CIITA: variants seen among roughly 807,000 people sequenced by gnomAD.
CIITA encodes class II major histocompatibility complex transactivator.
Under a neutral mutation model 115.1 loss-of-function variants are expected in CIITA, and 72 were observed. That is an observed-to-expected ratio of 0.63 (90% CI 0.52 to 0.76). CIITA has a LOEUF of 0.76. Ranked by LOEUF, CIITA falls within the 30% of genes least tolerant of loss-of-function variation. CIITA has a pLI of 0.00. For missense variants in CIITA, 1,617 were observed against 1,463.8 expected (o/e 1.10, Z -1.71); for synonymous variants, 763 against 635.6 (o/e 1.20, Z -3.02).
chr16:10,899,182 C>T lies in CIITA; in HGVS notation c.436+180C>T. ...CTGATTATTTCATGGCCCTGATAAC[C>T]CTCCAATGGCTACAAAATACATGCC... is the stretch of plus-strand genomic sequence containing the variant. On this transcript the variant is annotated intron_variant, in intron 5 of 19. Coordinates refer to ENST00000324288, the MANE Select transcript of CIITA (RefSeq NM_000246.4). Among the ~76,000 whole-genome samples the T allele has an allele frequency of 1.3e-5, 2 of 152,180 alleles. 1 individual carries two copies. Among genetic ancestry groups the T allele is most frequent in the East Asian group, 3.9e-4 (2 of 5,192 alleles).
chr16:10,900,526 G>A lies in CIITA; in HGVS notation c.437-988G>A, dbSNP rs532004485. Among the ~76,000 whole-genome samples the A allele has an allele frequency of 1.1e-4, 16 of 151,986 alleles. No homozygotes were observed. In the South Asian group the frequency reaches 1.9e-3, roughly 18 times the overall value. On this transcript the variant is annotated intron_variant, in intron 5 of 19. Coordinates refer to ENST00000324288, the MANE Select transcript of CIITA (RefSeq NM_000246.4). ...AGGCCAAGGCTGGCAGATCACCTGA[G>A]GTCAAGAGTTTGAGACCAGCCTGGC...
At chr16:10,894,839 C>T (rs1410055101) in intron 1 of CIITA, among the ~76,000 whole-genome samples, 1 of 152,298 alleles carries the variant, frequency 6.6e-6, no homozygotes, top group African/African-American at 2.4e-5. Flanking sequence ...ATCACTTCAC[C>T]TCTCTGAGCC....
In CIITA at chr16:10,879,040, G is replaced by T. The variant is rs1043608562; in HGVS notation, c.52+1658G>T. 1 of 214,900 alleles carries T rather than the reference G, an allele frequency of 4.7e-6. No homozygotes were observed. The highest frequency in any genetic ancestry group is 9.4e-6 in the Non-Finnish European group (1 of 106,436). The allele number at this position is 214,900 out of a possible 1,614,324, so 13.3% of individuals were successfully genotyped here. A position where few individuals can be genotyped will look rare whatever the true frequency, so the allele number is the denominator to read the frequency against. ...AGCGCGCGCGGGAGCCCGGGGAACA[G>T]CGGTAGGTGACCAAAGTCTCCTCTG... On this transcript the variant is annotated intron_variant, in intron 1 of 19. Transcript: ENST00000324288. This position sits in a 1 kb window ranked among gnomAD's most constrained non-coding sequence, Gnocchi z 4.3.
rs1284725083 is a variant in CIITA at position 10,901,463 on chromosome 16, G to A, written c.437-51G>A. 6.2e-7 allele frequency: 1 copy of A among 1,606,568 alleles called. No individual in the cohort carries two copies. The highest frequency in any genetic ancestry group is 1.7e-5 in the Admixed American group (1 of 59,982). On this transcript the variant is annotated intron_variant, in intron 5 of 19. Transcript: ENST00000324288. This position sits in a 1 kb window ranked among gnomAD's most constrained non-coding sequence, Gnocchi z 6.8. ...CCTGCTAGAGTCCTGAGCCCCTTCT[G>A]GCTTGGGACATCCTCTCCCTGGGGC...
intron 14 of CIITA, 63 bp from the exon 15 acceptor site, chr16:10,916,304 G>T (rs953222666): frequency 3.3e-6 from 5 of 1,518,398 alleles, no homozygotes; most frequent in South Asian, 1.1e-5. Flanking sequence ...CCCTCACTGG[G>T]ATGGGAAGGG....
At position 10,923,399 on chromosome 16, in the gene CIITA, A is replaced by C; in HGVS notation, c.*22+74A>C. The C allele has an allele frequency of 8.1e-7, 1 of 1,232,318 alleles. No individual in the cohort carries two copies. The highest frequency in any genetic ancestry group is 1.2e-6 in the Non-Finnish European group (1 of 839,714). 76.3% of individuals were successfully genotyped at this position (1,232,318 alleles called of 1,614,324 possible). A position where few individuals can be genotyped will look rare whatever the true frequency, so the allele number is the denominator to read the frequency against. ...GTGTCCTTGTGAAGGTGGCATTCAA[A>C]AAATGTGGGCGGGACACAGGTGGGG... On this transcript the variant is annotated intron_variant, in intron 19 of 19. Coordinates refer to ENST00000324288, the MANE Select transcript of CIITA (RefSeq NM_000246.4). The surrounding 1 kb of genome is among the most constrained non-coding windows in gnomAD (Gnocchi z 5.2).
chr16:10,909,984 C>G (rs867081376), intron 12 of CIITA, among the ~76,000 whole-genome samples: 4 of 152,170 alleles, frequency 2.6e-5, no homozygotes, highest in Admixed American at 6.5e-5. Context: ...ATCCTCCTGC[C>G]TCAGCCTCCC....
chr16:10,941,703 A>G lies in CIITA; in HGVS notation n.829A>G. ...TGCGGATCGTGTAGGGAAGAGGGGAACAGCAGTCGAGACCCTACTCCAAGT... is the reference window on the plus strand; with the variant it reads ...TGCGGATCGTGTAGGGAAGAGGGGAGCAGCAGTCGAGACCCTACTCCAAGT... On this transcript the variant is annotated non_coding_transcript_exon_variant, in exon 2 of 2. Coordinates refer to the CIITA transcript ENST00000573379. This position sits in a 1 kb window ranked among gnomAD's most constrained non-coding sequence, Gnocchi z 6.4. The G allele has an allele frequency of 6.3e-7, 1 of 1,594,304 alleles. No homozygotes were observed. Among genetic ancestry groups the G allele is most frequent in the Non-Finnish European group, 8.6e-7 (1 of 1,169,318 alleles).
At chr16:10,916,128 G>C (rs141506668) in intron 14 of CIITA, among the ~76,000 whole-genome samples, 1 of 152,352 alleles carries the variant, frequency 6.6e-6, no homozygotes, top group Non-Finnish European at 1.5e-5. Context: ...TTCCTAAGAA[G>C]CTAAACAGGG....
In CIITA at chr16:10,895,495, T is replaced by C. The variant is rs1310240688; in HGVS notation, c.199+67T>C. The C allele has an allele frequency of 1.2e-5, 19 of 1,604,032 alleles. 1 individual carries two copies. The South Asian group carries it at 1.7e-4, about 14-fold the overall frequency. ...CCTCAGCTTGCTGTAGAGACGGCAA[T>C]CAGGGGAAATTCTGGTCCCTGCCCT... is the stretch of plus-strand genomic sequence containing the variant. On this transcript the variant is annotated intron_variant, in intron 2 of 19. Coordinates refer to ENST00000324288, the MANE Select transcript of CIITA (RefSeq NM_000246.4).
chr16:10,904,525 A>G (rs2039004055), intron 9 of CIITA, among the ~76,000 whole-genome samples: 1 of 152,174 alleles, frequency 6.6e-6, no homozygotes. Context: ...CCAGCCTGAT[A>G]TTGCGATTTT....
rs182916061 is a variant in CIITA, at chr16:10,930,268, A to G, written c.*6413A>G. 6.6e-6 allele frequency: 1 copy of G among 152,352 alleles called. No individual in the cohort carries two copies. Among genetic ancestry groups the G allele is most frequent in the East Asian group, 1.9e-4 (1 of 5,192 alleles). 9.4% of individuals were successfully genotyped at this position (152,352 alleles called of 1,614,324 possible). A position where few individuals can be genotyped will look rare whatever the true frequency, so the allele number is the denominator to read the frequency against. ...GCAAACTTCACTGAACATCTCGCAGAACTTGTATGTTAAACATGTGACATG... is the reference window on the plus strand; with the variant it reads ...GCAAACTTCACTGAACATCTCGCAGGACTTGTATGTTAAACATGTGACATG... On this transcript the variant is annotated 3_prime_UTR_variant, in exon 20 of 20. Coordinates refer to ENST00000324288, the MANE Select transcript of CIITA (RefSeq NM_000246.4).
upstream of CIITA, among the ~76,000 whole-genome samples, chr16:10,875,266 G>T (rs2035754821): frequency 6.6e-6 from 1 of 152,156 alleles, no homozygotes; most frequent in Non-Finnish European, 1.5e-5. Context: ...GTCATTCTTA[G>T]AATTTCTGAC....
chr16:10,940,066 G>C (rs1203010740), downstream of CIITA: 2 of 152,240 alleles, frequency 1.3e-5, no homozygotes, highest in African/African-American at 4.8e-5. The surrounding 1 kb of genome is among the most constrained non-coding windows in gnomAD (Gnocchi z 4.2). Context: ...CTCAACTGAA[G>C]CTTTTTCTTC....
intron 1 of CIITA, among the ~76,000 whole-genome samples, chr16:10,894,133 T>G (rs1260931693): frequency 1.3e-5 from 2 of 152,214 alleles, no homozygotes; most frequent in African/African-American, 2.4e-5. Context: ...ATTTCAGGCA[T>G]GAGCCACCAC....
Position 10,907,857 on chromosome 16 carries a change from C to T in CIITA, c.2365C>T (p.Leu789Phe), listed in dbSNP as rs2144739803. The change falls in exon 11 of 20, where the codon CTT (leucine) becomes TTT (phenylalanine). Residue 789 changes from leucine to phenylalanine, a missense_variant. Leu to Phe is a conservative substitution (Grantham distance 22). Transcript: ENST00000324288. This position sits in a 1 kb window ranked among gnomAD's most constrained non-coding sequence, Gnocchi z 5.0. The part of the protein sequence containing the change: ...AASVDRKQKV[L>F]ARYLKRLQPG... ...CTCGGTGGACAGGAAGCAGAAGGTG[C>T]TTGCGAGGTACCTGAAGCGGCTGCA... is the stretch of plus-strand genomic sequence containing the variant. 6.2e-7 allele frequency: 1 copy of T among 1,611,414 alleles called. No homozygotes were observed.
chr16:10,898,903 T>A, intron 4 of CIITA, 22 bp from the exon 5 acceptor site: 6 of 1,613,520 alleles, frequency 3.7e-6, no homozygotes, highest in Non-Finnish European at 5.1e-6. Context: ...TGTGAGTTGG[T>A]CTCTGGTTTT....
intron 1 of CIITA, among the ~76,000 whole-genome samples, chr16:10,892,953 T>G (rs2037745700): frequency 6.6e-6 from 1 of 151,872 alleles, no homozygotes; most frequent in Non-Finnish European, 1.5e-5. Context: ...AAAAAAGAAT[T>G]AAAGATCTTG....
intron 1 of CIITA, among the ~76,000 whole-genome samples, chr16:10,878,732 G>A (rs909311994): frequency 2.6e-5 from 4 of 152,204 alleles, no homozygotes; most frequent in African/African-American, 9.6e-5. Flanking sequence ...TCCTGGCCCG[G>A]GGCCTGGGAC....
Sources: gnomAD v4.1 joint callset for allele counts (sites outside exome capture counted in the v4.1 genomes callset) on GRCh38, gnomAD v4.1.1 for gene constraint, Gnocchi (gnomAD v3.1) non-coding constraint, MANE v1.5 for transcripts, NCBI Gene and HGNC (gene_info 2026-07-23, HGNC 2026-07-21) for gene names.